Variants in JARID2 observed in about 807,000 individuals in gnomAD.
JARID2 encodes the protein protein Jumonji.
JARID2 carries 21 observed loss-of-function variants against 125.6 expected under a neutral mutation model. The observed-to-expected ratio is 0.17, with a 90% confidence interval of 0.12 to 0.24. JARID2 has a LOEUF of 0.24. JARID2 is among the 10% of genes least tolerant of loss of function. The probability of loss-of-function intolerance (pLI) is 1.00; values close to 1 mark genes in which losing one functional copy is unlikely to be tolerated. For synonymous variants in JARID2, 736 were observed against 661.6 expected, an observed-to-expected ratio of 1.11 and a Z score of -1.73; for missense variants, 1,303 against 1,639.6, an observed-to-expected ratio of 0.79 and a Z score of 3.55.
chr6:15,412,411 C>T (rs1011193464), intron 3 of JARID2, among the ~76,000 whole-genome samples: 5 of 152,074 alleles, frequency 3.3e-5, no homozygotes, highest in South Asian at 2.1e-4. Flanking sequence ...TGGGTTCAAG[C>T]GATTCTCATG....
chr6:15,372,654 G>A (rs1045603024), intron 1 of JARID2, among the ~76,000 whole-genome samples: 3 of 151,214 alleles, frequency 2.0e-5, no homozygotes, highest in East Asian at 3.9e-4. Context: ...GCGCCAAGCC[G>A]TTCTTCTTAT....
chr6:15,474,725 C>G (rs1769257058), intron 5 of JARID2, among the ~76,000 whole-genome samples: 1 of 152,014 alleles, frequency 6.6e-6, no homozygotes, highest in Non-Finnish European at 1.5e-5. Context: ...TTTCCAAGAT[C>G]ACTATTCAGC....
chr6:15,513,430 C>T lies in JARID2; in HGVS notation c.3450+8C>T, dbSNP rs200027643. ...CTGTGCTACCTGTCCATGGTGAGCC[C>T]GCCTGGCCCTGCCGGCGCCCTCGCA... is the stretch of plus-strand genomic sequence containing the variant. On this transcript the variant is annotated splice_region_variant and intron_variant, in intron 16 of 17. Coordinates refer to ENST00000341776, the MANE Select transcript of JARID2 (RefSeq NM_004973.4). The T allele has an allele frequency of 4.7e-5, 75 of 1,591,132 alleles. No individual in the cohort carries two copies. The highest frequency in any genetic ancestry group is 2.0e-4 in the Admixed American group (12 of 58,848).
At chr6:15,500,124 A>G (rs1770660709) in intron 7 of JARID2, among the ~76,000 whole-genome samples, 1 of 152,146 alleles carries the variant, frequency 6.6e-6, no homozygotes, top group African/African-American at 2.4e-5. Context: ...TGCTTTCTCC[A>G]TTCCCATCTA....
chr6:15,483,762 A>G (rs1378228326), intron 5 of JARID2, among the ~76,000 whole-genome samples: 1 of 152,158 alleles, frequency 6.6e-6, no homozygotes, highest in Non-Finnish European at 1.5e-5. Context: ...CCTTGTGTAC[A>G]TTCCTGGAAA....
intron 5 of JARID2, among the ~76,000 whole-genome samples, chr6:15,473,841 C>T (rs982168002): frequency 5.3e-5 from 8 of 152,082 alleles, no homozygotes; most frequent in Admixed American, 3.3e-4. Flanking sequence ...TTCCTTATGA[C>T]GCCAGTGGAG....
At chr6:15,509,617 G>A (rs896040367) in intron 12 of JARID2, among the ~76,000 whole-genome samples, 1 of 152,248 alleles carries the variant, frequency 6.6e-6, no homozygotes, top group Non-Finnish European at 1.5e-5. Context: ...GCTGGGGAGG[G>A]GACAGCCAGG....
At chr6:15,248,103 C>T (rs1759255561) in intron 1 of JARID2, 17 of 985,262 alleles carry the variant, frequency 1.7e-5, no homozygotes, top group Non-Finnish European at 2.0e-5. Context: ...GATCGTGTCT[C>T]CGAGTCCGGG....
Position 15,496,303 on chromosome 6 carries a change from A to G in JARID2, c.1078A>G (p.Thr360Ala). Residue 360 changes from threonine to alanine, a missense_variant, in exon 7 of 18, where the codon ACC becomes GCC. Thr to Ala is a moderately conservative substitution (Grantham distance 58). Transcript: ENST00000341776. ...AGCCAAGAGAGAACTGGTCAAGGAC[A>G]CCAAACCCAATCACCACAAGCCCAG... ...TKAKRELVKD[T>A]KPNHHKPSSA... The G allele has an allele frequency of 1.2e-6, 2 of 1,614,208 alleles. No homozygotes were observed. The highest frequency in any genetic ancestry group is 1.7e-6 in the Non-Finnish European group (2 of 1,180,036).
At chr6:15,333,600 A>AT (rs1465257160) in intron 1 of JARID2, among the ~76,000 whole-genome samples, 3 of 152,202 alleles carry the variant, frequency 2.0e-5, no homozygotes, top group Non-Finnish European at 4.4e-5. Flanking sequence ...CATTTTAACC[A>AT]TTTTTTGTGT....
In JARID2 at chr6:15,268,932, T is replaced by A. The variant is rs1443515571; in HGVS notation, c.45+22348T>A. 2.6e-5 allele frequency among the ~76,000 whole-genome samples: 4 copies of A among 152,222 alleles called. No homozygotes were observed. The East Asian group carries it at 7.7e-4, about 29-fold the overall frequency. ...GAAGTTCGGGGCTCTAACTCTTTTG[T>A]TAAACCTCTTAAAGTCAGGCGTGTG... On this transcript the variant is annotated intron_variant, in intron 1 of 17. Coordinates refer to ENST00000341776, the MANE Select transcript of JARID2 (RefSeq NM_004973.4).
Position 15,520,422 on chromosome 6 carries a change from T to C in JARID2, c.*171T>C. On this transcript the variant is annotated 3_prime_UTR_variant, in exon 18 of 18. Coordinates refer to ENST00000341776, the MANE Select transcript of JARID2 (RefSeq NM_004973.4). ...AGCATTAAACTGTTGAACTTTTTTT[T>C]GTACTTAGAAAACCTAGATACTGCA... The C allele has an allele frequency of 1.8e-6, 1 of 544,880 alleles. No individual in the cohort carries two copies. The highest frequency in any genetic ancestry group is 3.3e-5 in the East Asian group (1 of 30,322). The allele number at this position is 544,880 out of a possible 1,614,324, so 33.8% of individuals were successfully genotyped here. A position where few individuals can be genotyped will look rare whatever the true frequency, so the allele number is the denominator to read the frequency against.
At chr6:15,421,169 CT>C (rs1181723846) in intron 3 of JARID2, among the ~76,000 whole-genome samples, 1 of 152,094 alleles carries the variant, frequency 6.6e-6, no homozygotes, top group Non-Finnish European at 1.5e-5. Flanking sequence ...GGGCAGTGAG[CT>C]GGAGGGATCA....
At chr6:15,315,078 T>C (rs1762136143) in intron 1 of JARID2, 1 of 152,212 alleles carries the variant, frequency 6.6e-6, no homozygotes, top group Non-Finnish European at 1.5e-5. Context: ...TTGAAGAATA[T>C]TTCATCCTTA....
chr6:15,287,127 CA>C (rs10714991), intron 1 of JARID2, among the ~76,000 whole-genome samples: 74,656 of 151,176 alleles, frequency 0.49, 19,125 homozygotes, highest in African/African-American at 0.63. Context: ...ACTCTCATCT[CA>C]AAAAAAAAGA....
At chr6:15,429,946 C>CT (rs1766900162) in intron 3 of JARID2, among the ~76,000 whole-genome samples, 1 of 152,126 alleles carries the variant, frequency 6.6e-6, no homozygotes, top group Non-Finnish European at 1.5e-5. Flanking sequence ...TCACAGCAGG[C>CT]TTGTGAGTCC....
intron 5 of JARID2, among the ~76,000 whole-genome samples, chr6:15,486,010 C>A (rs1462978985): frequency 6.6e-6 from 1 of 152,180 alleles, no homozygotes; most frequent in Non-Finnish European, 1.5e-5. Context: ...TTCTGCCAGT[C>A]CTGGTTGGGG....
intron 1 of JARID2, among the ~76,000 whole-genome samples, chr6:15,345,249 A>G (rs973949319): frequency 2.6e-4 from 39 of 152,358 alleles, no homozygotes; most frequent in African/African-American, 8.2e-4. Flanking sequence ...GGAACGCAGC[A>G]TAGTTTAATA....
intron 1 of JARID2, among the ~76,000 whole-genome samples, chr6:15,306,273 T>TC (rs1441503380): frequency 1.3e-5 from 2 of 150,512 alleles, no homozygotes; most frequent in Non-Finnish European, 3.0e-5. Flanking sequence ...AAGAATTCCT[T>TC]CCCCCTGCAG....
Sources: allele counts gnomAD v4.1 joint callset (sites outside exome capture counted in the v4.1 genomes callset), GRCh38; gene constraint gnomAD v4.1.1; transcripts MANE v1.5; gene names NCBI Gene and HGNC (gene_info 2026-07-23, HGNC 2026-07-21).